TUSC1: variants seen among roughly 807,000 people sequenced by gnomAD.
The protein encoded by TUSC1 is tumor suppressor candidate gene 1 protein.
Under a neutral mutation model 5.2 loss-of-function variants are expected in TUSC1, and 8 were observed. The observed-to-expected ratio is 1.54, with a 90% CI of 0.90 to 2.77. TUSC1 has a LOEUF of 2.77. TUSC1 is among the 30% of genes most tolerant of loss of function. The pLI, the probability that TUSC1 is intolerant of heterozygous loss-of-function variation, is 0.00. For synonymous variants in TUSC1, 192 were observed against 144.2 expected (o/e 1.33, Z -2.37); for missense variants, 442 against 324.2 (o/e 1.36, Z -2.79).
At position 25,677,737 on chromosome 9, in the gene TUSC1, T is replaced by C. The variant is rs1166861030; in HGVS notation, c.576A>G (p.Glu192=). ...SGDKEEQPLQ[E]PDSGLRSRDS... ...CCCGGGAGCGGAGGCCGGAGTCGGG[T>C]TCCTGTAGAGGCTGCTCCTCCTTGT... The change falls in exon 1 of 1, where the codon GAA becomes GAG. Residue 192 remains glutamate (E), a synonymous_variant. Transcript: ENST00000358022. The C allele has an allele frequency of 7.6e-6, 12 of 1,573,638 alleles. No individual in the cohort carries two copies. Among genetic ancestry groups the C allele is most frequent in the Non-Finnish European group, 1.0e-5 (12 of 1,160,228 alleles).
rs763926892 is a variant in TUSC1 at position 25,677,811 on chromosome 9, C to T, written c.502G>A (p.Ala168Thr). Reference sequence around the variant, plus strand: ...TGCTCGAGGTGCAGCTGCAGCAGGGCCCGGCGGTACATGGCTTCCAGCTTC... The same window carrying T: ...TGCTCGAGGTGCAGCTGCAGCAGGGTCCGGCGGTACATGGCTTCCAGCTTC... Reference protein sequence around the residue: ...LEKLEAMYRRALLQLHLEQRG... With the variant: ...LEKLEAMYRRTLLQLHLEQRG... Residue 168 changes from alanine to threonine, a missense_variant, in exon 1 of 1, where the codon GCC becomes ACC. Transcript: ENST00000358022. The T allele has an allele frequency of 1.3e-6, 2 of 1,593,030 alleles. No individual in the cohort carries two copies. Among genetic ancestry groups the T allele is most frequent in the South Asian group, 1.1e-5 (1 of 88,186 alleles).
In TUSC1 at chr9:25,677,975, C is replaced by T; in HGVS notation, c.338G>A (p.Arg113Gln). The T allele has an allele frequency of 1.3e-6, 2 of 1,551,536 alleles. No homozygotes were observed. The highest frequency in any genetic ancestry group is 1.7e-6 in the Non-Finnish European group (2 of 1,153,926). ...CCCGTTGCCGCCTTCGCCGGGGAGC[C>T]GCAAAGCCTGACGGAAGAGGCTGCG... Reference protein sequence around the residue: ...ENRSLFRQALRLPGEGGNGTP... With the variant: ...ENRSLFRQALQLPGEGGNGTP... The change falls in exon 1 of 1, where the codon CGG (arginine) becomes CAG (glutamine). Residue 113 changes from arginine (R) to glutamine (Q), a missense_variant. Arg to Gln is a conservative substitution (Grantham distance 43, BLOSUM62 1). Coordinates refer to ENST00000358022, the MANE Select transcript of TUSC1 (RefSeq NM_001004125.3).
At position 25,677,317 on chromosome 9, in the gene TUSC1, A is replaced by G; in HGVS notation, c.*366T>C. 2 of 251,296 alleles carry G rather than the reference A, an allele frequency of 8.0e-6. No homozygotes were observed. The highest frequency in any genetic ancestry group is 3.1e-4 in the South Asian group (2 of 6,422). 15.6% of individuals were successfully genotyped at this position (251,296 alleles called of 1,614,324 possible). A position where few individuals can be genotyped will look rare whatever the true frequency, so the allele number is the denominator to read the frequency against. On this transcript the variant is annotated 3_prime_UTR_variant, in exon 1 of 1. Coordinates refer to ENST00000358022, the MANE Select transcript of TUSC1 (RefSeq NM_001004125.3). ...AAAATACAGGAAAAAAAAAAATACA[A>G]CAGGTTCGCACAACATCCAGAAAAG...
Position 25,678,327 on chromosome 9 carries a change from C to G in TUSC1, c.-15G>C. 1 of 1,430,056 alleles carries G rather than the reference C, an allele frequency of 7.0e-7. No individual in the cohort carries two copies. The highest frequency in any genetic ancestry group is 9.2e-7 in the Non-Finnish European group (1 of 1,091,820). 88.6% of individuals were successfully genotyped at this position (1,430,056 alleles called of 1,614,324 possible). A position where few individuals can be genotyped will look rare whatever the true frequency, so the allele number is the denominator to read the frequency against. On this transcript the variant is annotated 5_prime_UTR_variant, in exon 1 of 1. Transcript: ENST00000358022. ...ATGCGCCACATCGGTCCCATCCCAA[C>G]CGCGCCGCCAGCCCCGTGGGCTGAG...
chr9:25,677,514 A>G lies in TUSC1; in HGVS notation c.*169T>C. 1 of 1,323,340 alleles carries G rather than the reference A, an allele frequency of 7.6e-7. No homozygotes were observed. Among genetic ancestry groups the G allele is most frequent in the Non-Finnish European group, 1.0e-6 (1 of 1,000,140 alleles). 82.0% of individuals were successfully genotyped at this position (1,323,340 alleles called of 1,614,324 possible). ...CACCCACTCGACCTCCACCAAGCGG[A>G]TGGCCAAGCGCCACCCGGAAGTGTC... is the stretch of plus-strand genomic sequence containing the variant. On this transcript the variant is annotated 3_prime_UTR_variant, in exon 1 of 1. Coordinates refer to ENST00000358022, the MANE Select transcript of TUSC1 (RefSeq NM_001004125.3).
rs772090235 is a variant in TUSC1 at position 25,678,106 on chromosome 9, G to A, written c.207C>T (p.His69=). 5 of 1,571,428 alleles carry A rather than the reference G, an allele frequency of 3.2e-6. No homozygotes were observed. The highest frequency in any genetic ancestry group is 4.3e-6 in the Non-Finnish European group (5 of 1,166,810). The part of the protein sequence containing the change: ...EERFADLAAS[H]LEAIRARDEW... ...CGTCCCGCGCACGGATGGCCTCCAA[G>A]TGGCTCGCCGCCAGGTCGGCAAACC... is the stretch of plus-strand genomic sequence containing the variant. The change falls in exon 1 of 1, where the codon CAC becomes CAT. Residue 69 remains histidine, a synonymous_variant. Coordinates refer to ENST00000358022, the MANE Select transcript of TUSC1 (RefSeq NM_001004125.3).
Position 25,678,239 on chromosome 9 carries a change from C to T in TUSC1, c.74G>A (p.Gly25Glu), listed in dbSNP as rs894433705. 6 of 1,411,198 alleles carry T rather than the reference C, an allele frequency of 4.3e-6. No homozygotes were observed. Among genetic ancestry groups the T allele is most frequent in the Non-Finnish European group, 4.6e-6 (5 of 1,082,650 alleles). 87.4% of individuals were successfully genotyped at this position (1,411,198 alleles called of 1,614,324 possible). A position where few individuals can be genotyped will look rare whatever the true frequency, so the allele number is the denominator to read the frequency against. Residue 25 changes from glycine (G) to glutamate (E), a missense_variant, in exon 1 of 1, where the codon GGG becomes GAG. Transcript: ENST00000358022. ...ACGAGCCCGGCCGGAGCGGCCTGGCCCTCGGCCGTCCGCAGCACCGTCCCC... is the reference window on the plus strand; with the variant it reads ...ACGAGCCCGGCCGGAGCGGCCTGGCTCTCGGCCGTCCGCAGCACCGTCCCC... Reference protein sequence around the residue: ...CGGDGAADGRGPGRSGRARGG... With the variant: ...CGGDGAADGREPGRSGRARGG...
At position 25,677,544 on chromosome 9, in the gene TUSC1, G is replaced by C. The variant is rs1819063298; in HGVS notation, c.*139C>G. On this transcript the variant is annotated 3_prime_UTR_variant, in exon 1 of 1. Coordinates refer to ENST00000358022, the MANE Select transcript of TUSC1 (RefSeq NM_001004125.3). ...CAAGCGCCACCCGGAAGTGTCCACT[G>C]GTGGGGGCGGGAAGGCACCGTAGTC... The C allele has an allele frequency of 3.5e-6, 5 of 1,415,228 alleles. No homozygotes were observed. The highest frequency in any genetic ancestry group is 5.7e-5 in the Admixed American group (2 of 34,830). The allele number at this position is 1,415,228 out of a possible 1,614,324, so 87.7% of individuals were successfully genotyped here.
rs1358639911 is a variant in TUSC1, at chr9:25,677,767, G to A, written c.546C>T (p.Ser182=). Residue 182 remains serine, a synonymous_variant, in exon 1 of 1, where the codon AGC becomes AGT. Transcript: ENST00000358022. Reference sequence around the variant, plus strand: ...GTAGAGGCTGCTCCTCCTTGTCCCCGCTCGGACGTGGTCCCCGCTGCTCGA... The same window carrying A: ...GTAGAGGCTGCTCCTCCTTGTCCCCACTCGGACGTGGTCCCCGCTGCTCGA... ...LHLEQRGPRP[S]GDKEEQPLQE... 8 of 1,580,920 alleles carry A rather than the reference G, an allele frequency of 5.1e-6. No homozygotes were observed. The highest frequency in any genetic ancestry group is 4.7e-5 in the East Asian group (2 of 42,886).
In TUSC1 at chr9:25,678,378, G is replaced by A. The variant is rs541953116; in HGVS notation, c.-66C>T. 7.6e-7 allele frequency: 1 copy of A among 1,317,664 alleles called. No individual in the cohort carries two copies. The highest frequency in any genetic ancestry group is 9.7e-7 in the Non-Finnish European group (1 of 1,026,408). The allele number at this position is 1,317,664 out of a possible 1,614,324, so 81.6% of individuals were successfully genotyped here. On this transcript the variant is annotated 5_prime_UTR_variant, in exon 1 of 1. Transcript: ENST00000358022. Reference sequence around the variant, plus strand: ...GGGCCGCGCGGCCAGGCGCGGGCAAGTTCGGGGCTGGCAGGGCGGCCGGGG... The same window carrying A: ...GGGCCGCGCGGCCAGGCGCGGGCAAATTCGGGGCTGGCAGGGCGGCCGGGG...
rs370234303 is a variant in TUSC1, at chr9:25,678,018, G to A, written c.295C>T (p.Arg99Trp). The change falls in exon 1 of 1, where the codon CGG becomes TGG. Residue 99 changes from arginine (R) to tryptophan (W), a missense_variant. Arg to Trp is a moderately radical substitution (Grantham distance 101). Coordinates refer to ENST00000358022, the MANE Select transcript of TUSC1 (RefSeq NM_001004125.3). ...AGGCTGCGGTTCTCGCGCTTCAGCC[G>A]CCGGTTCTCGAGCCGCAGCCGGGCG... ...ENARLRLENR[R>W]LKRENRSLFR... 4 of 1,562,264 alleles carry A rather than the reference G, an allele frequency of 2.6e-6. No individual in the cohort carries two copies. Among genetic ancestry groups the A allele is most frequent in the Admixed American group, 1.8e-5 (1 of 54,416 alleles).
chr9:25,678,064 G>T lies in TUSC1; in HGVS notation c.249C>A (p.Asn83Lys). Residue 83 changes from asparagine to lysine, a missense_variant, in exon 1 of 1, where the codon AAC becomes AAA. By Grantham distance (94) the Asn-to-Lys change is moderately conservative (BLOSUM62 0). Coordinates refer to ENST00000358022, the MANE Select transcript of TUSC1 (RefSeq NM_001004125.3). Reference sequence around the variant, plus strand: ...GGGCGTTCTCCTGACGCAGCCGCGCGTTCTGCCGGTCCCACTCGTCCCGCG... The same window carrying T: ...GGGCGTTCTCCTGACGCAGCCGCGCTTTCTGCCGGTCCCACTCGTCCCGCG... ...IRARDEWDRQ[N>K]ARLRQENARL... The T allele has an allele frequency of 6.3e-7, 1 of 1,587,458 alleles. No individual in the cohort carries two copies.
Position 25,677,101 on chromosome 9 carries a change from G to C in TUSC1, c.*582C>G, listed in dbSNP as rs1819053516. 6.6e-6 allele frequency: 1 copy of C among 152,396 alleles called. No individual in the cohort carries two copies. 9.4% of individuals were successfully genotyped at this position (152,396 alleles called of 1,614,324 possible). Reference sequence around the variant, plus strand: ...GGGACTGCAGCCAAGACAGGCATGAGTTCCTAGGTTATAAATATCATCTTT... The same window carrying C: ...GGGACTGCAGCCAAGACAGGCATGACTTCCTAGGTTATAAATATCATCTTT... On this transcript the variant is annotated 3_prime_UTR_variant, in exon 1 of 1. Transcript: ENST00000358022.
At position 25,677,752 on chromosome 9, in the gene TUSC1, C is replaced by T. The variant is rs752439191; in HGVS notation, c.561G>A (p.Glu187=). Residue 187 remains glutamate (E), a synonymous_variant, in exon 1 of 1, where the codon GAG becomes GAA. Transcript: ENST00000358022. ...RGPRPSGDKE[E]QPLQEPDSGL... is the part of the protein sequence containing the mutation. ...CGGAGTCGGGTTCCTGTAGAGGCTG[C>T]TCCTCCTTGTCCCCGCTCGGACGTG... 7.7e-5 allele frequency: 122 copies of T among 1,579,084 alleles called. No homozygotes were observed. Among genetic ancestry groups the T allele is most frequent in the East Asian group, 9.3e-5 (4 of 42,790 alleles).
At position 25,678,292 on chromosome 9, in the gene TUSC1, G is replaced by T; in HGVS notation, c.21C>A (p.Gly7=). Residue 7 remains glycine (G), a synonymous_variant, in exon 1 of 1, where the codon GGC becomes GGA. Coordinates refer to ENST00000358022, the MANE Select transcript of TUSC1 (RefSeq NM_001004125.3). MWRMRG[G]ATRRGSCCGG... is the part of the protein sequence containing the mutation. Reference sequence around the variant, plus strand: ...CGCAGCAACTCCCGCGCCTAGTGGCGCCACCACGCATGCGCCACATCGGTC... The same window carrying T: ...CGCAGCAACTCCCGCGCCTAGTGGCTCCACCACGCATGCGCCACATCGGTC... 1 of 1,467,952 alleles carries T rather than the reference G, an allele frequency of 6.8e-7. No individual in the cohort carries two copies. The highest frequency in any genetic ancestry group is 9.0e-7 in the Non-Finnish European group (1 of 1,111,344). The allele number at this position is 1,467,952 out of a possible 1,614,324, so 90.9% of individuals were successfully genotyped here. A position where few individuals can be genotyped will look rare whatever the true frequency, so the allele number is the denominator to read the frequency against.
In TUSC1 at chr9:25,677,307, A is replaced by T; in HGVS notation, c.*376T>A. ...CCTCAGAACCAAAATACAGGAAAAAAAAAAATACAACAGGTTCGCACAACA... is the reference window on the plus strand; with the variant it reads ...CCTCAGAACCAAAATACAGGAAAAATAAAAATACAACAGGTTCGCACAACA... On this transcript the variant is annotated 3_prime_UTR_variant, in exon 1 of 1. Coordinates refer to ENST00000358022, the MANE Select transcript of TUSC1 (RefSeq NM_001004125.3). The T allele has an allele frequency of 4.4e-6, 1 of 226,482 alleles. No individual in the cohort carries two copies. Among genetic ancestry groups the T allele is most frequent in the Non-Finnish European group, 8.6e-6 (1 of 116,710 alleles). The allele number at this position is 226,482 out of a possible 1,614,324, so 14.0% of individuals were successfully genotyped here.
At position 25,676,986 on chromosome 9, in the gene TUSC1, GATTT is replaced by G. The variant is rs1375858479; in HGVS notation, c.*693_*696del. The G allele has an allele frequency of 1.3e-5, 2 of 152,066 alleles. No homozygotes were observed. Among genetic ancestry groups the G allele is most frequent in the African/African-American group, 4.8e-5 (2 of 41,402 alleles). 9.4% of individuals were successfully genotyped at this position (152,066 alleles called of 1,614,324 possible). A position where few individuals can be genotyped will look rare whatever the true frequency, so the allele number is the denominator to read the frequency against. ...CTTTCAGATAATTTTTAATGCACCAGATTTATTTACCATTTCAAAAGATCACGAT... is the reference window on the plus strand; with the variant it reads ...CTTTCAGATAATTTTTAATGCACCAGATTTACCATTTCAAAAGATCACGAT... On this transcript the variant is annotated 3_prime_UTR_variant, in exon 1 of 1. Coordinates refer to ENST00000358022, the MANE Select transcript of TUSC1 (RefSeq NM_001004125.3).
rs1329568788 is a variant in TUSC1, at chr9:25,677,930, C to T, written c.383G>A (p.Arg128Gln). 1.3e-6 allele frequency: 2 copies of T among 1,561,370 alleles called. No individual in the cohort carries two copies. Among genetic ancestry groups the T allele is most frequent in the East Asian group, 2.4e-5 (1 of 42,272 alleles). Reference sequence around the variant, plus strand: ...GTTCGTGCTGGCCTCTTCAGGGACCCGGCGTGCCTCCGCGGGCGTCCCGTT... The same window carrying T: ...GTTCGTGCTGGCCTCTTCAGGGACCTGGCGTGCCTCCGCGGGCGTCCCGTT... ...GGNGTPAEARRVPEEASTNRR... is the reference protein window; with the variant it reads ...GGNGTPAEARQVPEEASTNRR... The change falls in exon 1 of 1, where the codon CGG becomes CAG. Residue 128 changes from arginine (R) to glutamine (Q), a missense_variant. By Grantham distance (43) the Arg-to-Gln change is conservative. Coordinates refer to ENST00000358022, the MANE Select transcript of TUSC1 (RefSeq NM_001004125.3).
Position 25,677,694 on chromosome 9 carries a change from G to T in TUSC1, c.619C>A (p.Pro207Thr). 2.6e-6 allele frequency: 4 copies of T among 1,546,034 alleles called. No individual in the cohort carries two copies. The highest frequency in any genetic ancestry group is 1.9e-5 in the Admixed American group (1 of 51,726). The change falls in exon 1 of 1, where the codon CCC becomes ACC. Residue 207 changes from proline to threonine, a missense_variant. By Grantham distance (38) the Pro-to-Thr change is conservative. Coordinates refer to ENST00000358022, the MANE Select transcript of TUSC1 (RefSeq NM_001004125.3). ...GGCTGCGGCCTCGGCTACAGCCAGG[G>T]CCCAGAGGGCTCCGAGTCCCGGGAG... ...LRSRDSEPSG[P>T]WL
Sources: allele counts gnomAD v4.1 joint callset, GRCh38; gene constraint gnomAD v4.1.1; transcripts MANE v1.5; gene names NCBI Gene and HGNC (gene_info 2026-07-23, HGNC 2026-07-21).